The following NIPSNAP3A variants were observed in gnomAD, a reference collection of about 807,000 sequenced individuals.
The protein encoded by NIPSNAP3A is nipsnap homolog 3A.
A neutral mutation model predicts 32.3 loss-of-function variants in NIPSNAP3A; 27 were observed. The ratio of observed to expected loss-of-function variants is 0.84; its 90% confidence interval spans 0.62 to 1.15. The LOEUF (loss-of-function observed/expected upper bound fraction) is 1.15, where lower values mean the gene tolerates loss of function less well. NIPSNAP3A is among the 50% of genes most tolerant of loss of function. The pLI is 0.00. For synonymous variants in NIPSNAP3A, 108 were observed against 107.3 expected (o/e 1.01, Z -0.04); for missense variants, 278 against 297.2 (o/e 0.94, Z 0.48).
intron 1 of NIPSNAP3A, 99 bp downstream of exon 1, chr9:104,747,951 C>A: frequency 8.3e-7 from 1 of 1,201,916 alleles, no homozygotes; most frequent in Non-Finnish European, 1.2e-6. Context: ...ATGCGCTCTC[C>A]GCCACGCGCG....
chr9:104,748,411 GACCCTGCCCGCC>G (rs1395521033), intron 1 of NIPSNAP3A, among the ~76,000 whole-genome samples: 8 of 152,062 alleles, frequency 5.3e-5, no homozygotes, highest in African/African-American at 1.9e-4. Context: ...GGTGGGGCTG[GACCCTGCCCGCC>G]ACCCGCGCTT....
chr9:104,749,736 G>A (rs1397482807), intron 1 of NIPSNAP3A, among the ~76,000 whole-genome samples: 1 of 152,150 alleles, frequency 6.6e-6, no homozygotes, highest in Non-Finnish European at 1.5e-5. Flanking sequence ...AATCTTAGGC[G>A]AGGTATTTCT....
At chr9:104,754,873 T>G (rs1039991896) in intron 4 of NIPSNAP3A, among the ~76,000 whole-genome samples, 173 bp downstream of exon 4, 1 of 152,246 alleles carries the variant, frequency 6.6e-6, no homozygotes, top group African/African-American at 2.4e-5. Flanking sequence ...TTATTTAGAA[T>G]GTTAACTTAT....
Position 104,748,851 on chromosome 9 carries a change from G to A in NIPSNAP3A, c.60+999G>A, listed in dbSNP as rs192245014. Among the ~76,000 whole-genome samples, 29 of 152,284 alleles carry A rather than the reference G, an allele frequency of 1.9e-4. No homozygotes were observed. In the East Asian group the frequency reaches 4.4e-3, roughly 23 times the overall value. The stretch of plus-strand genomic sequence containing the variant: ...GTTGTTCTCTTTTAAGTGAAGTGGA[G>A]GTCGTTGCTGGTGGGAATGATCCCT... On this transcript the variant is annotated intron_variant, in intron 1 of 5. Transcript: ENST00000374767.
intron 4 of NIPSNAP3A, among the ~76,000 whole-genome samples, chr9:104,756,552 A>G (rs1272790683): frequency 6.6e-6 from 1 of 152,122 alleles, no homozygotes; most frequent in Admixed American, 6.5e-5. Context: ...GTATACTTAC[A>G]TGGATATAGT....
chr9:104,754,951 G>T (rs11788520), intron 4 of NIPSNAP3A, among the ~76,000 whole-genome samples: 1 of 151,932 alleles, frequency 6.6e-6, no homozygotes, highest in African/African-American at 2.4e-5. Context: ...TTAAACTGAA[G>T]GAACCTCGGC....
intron 1 of NIPSNAP3A, 147 bp downstream of exon 1, chr9:104,747,999 C>T (rs1206024148): frequency 7.0e-6 from 5 of 714,920 alleles, no homozygotes; most frequent in Admixed American, 6.7e-5. Context: ...TAGCGTGAGC[C>T]CCGGAACCCC....
Position 104,751,667 on chromosome 9 carries a change from G to C in NIPSNAP3A, c.271+501G>C, listed in dbSNP as rs1445720025. Among the ~76,000 whole-genome samples the C allele has an allele frequency of 2.0e-5, 3 of 152,200 alleles. No homozygotes were observed. In the East Asian group the frequency reaches 5.8e-4, roughly 29 times the overall value. On this transcript the variant is annotated intron_variant, in intron 2 of 5. Coordinates refer to ENST00000374767, the MANE Select transcript of NIPSNAP3A (RefSeq NM_015469.3). ...AATATGGAGGTTTATAGGGGATGAT[G>C]GTTAACTTTCAATCCTCACTGAACT...
chr9:104,759,002 G>T, intron 4 of NIPSNAP3A, 83 bp from the exon 5 acceptor site: 12 of 1,046,512 alleles, frequency 1.1e-5, no homozygotes, highest in Non-Finnish European at 1.4e-5. Context: ...AAAAAGAATA[G>T]GATGGGTTTG....
At position 104,747,686 on chromosome 9, in the gene NIPSNAP3A, C is replaced by G; in HGVS notation, c.-107C>G. ...TGACCCCGCCGAGCCCCGCCCCAGC[C>G]TGCGTCTGCCAATGATCCAGGAGCC... On this transcript the variant is annotated 5_prime_UTR_variant, in exon 1 of 6. Coordinates refer to ENST00000374767, the MANE Select transcript of NIPSNAP3A (RefSeq NM_015469.3). The G allele has an allele frequency of 1.7e-6, 2 of 1,197,624 alleles. No homozygotes were observed. The allele number at this position is 1,197,624 out of a possible 1,614,324, so 74.2% of individuals were successfully genotyped here.
At chr9:104,752,572 C>T (rs1424179497) in intron 2 of NIPSNAP3A, among the ~76,000 whole-genome samples, 3 of 152,164 alleles carry the variant, frequency 2.0e-5, no homozygotes, top group African/African-American at 7.2e-5. Flanking sequence ...CCTCATACAA[C>T]CCTGGAGGTA....
intron 2 of NIPSNAP3A, among the ~76,000 whole-genome samples, chr9:104,751,826 G>A (rs185991716): frequency 6.6e-6 from 1 of 152,266 alleles, no homozygotes; most frequent in East Asian, 1.9e-4. Flanking sequence ...TTCTTCCCGT[G>A]TTGAAACTAA....
In NIPSNAP3A at chr9:104,747,819, T is replaced by TCGGGCGCTGGCCTCA; in HGVS notation, c.31_45dup (p.Ala11_Arg15dup). The TCGGGCGCTGGCCTCA allele has an allele frequency of 6.2e-7, 1 of 1,609,056 alleles. No homozygotes were observed. Among genetic ancestry groups the TCGGGCGCTGGCCTCA allele is most frequent in the South Asian group, 1.1e-5 (1 of 90,652 alleles). On this transcript the variant is annotated inframe_insertion, in exon 1 of 6. Coordinates refer to ENST00000374767, the MANE Select transcript of NIPSNAP3A (RefSeq NM_015469.3). ...TGCTCGTCCTCAGAAGCGCCCTGAC[T>TCGGGCGCTGGCCTCA]CGGGCGCTGGCCTCACGGACGCTGG...
At chr9:104,757,769 A>C (rs1028218862) in intron 4 of NIPSNAP3A, among the ~76,000 whole-genome samples, 7 of 152,170 alleles carry the variant, frequency 4.6e-5, no homozygotes, top group African/African-American at 1.7e-4. Context: ...ATAAAAATAC[A>C]GGCCAGGCGT....
chr9:104,758,735 G>A (rs1407366320), intron 4 of NIPSNAP3A, among the ~76,000 whole-genome samples: 13 of 151,342 alleles, frequency 8.6e-5, no homozygotes, highest in Non-Finnish European at 1.6e-4. Flanking sequence ...TAAGGTGGGC[G>A]GATCACCTGA....
chr9:104,751,112 T>C lies in NIPSNAP3A; in HGVS notation c.217T>C (p.Trp73Arg). The change falls in exon 2 of 6, where the codon TGG (tryptophan) becomes CGG (arginine). Residue 73 changes from tryptophan to arginine, a missense_variant. Transcript: ENST00000374767. ...AGCTCACTCTGAATTGGTTGGATAC[T>C]GGAGTGTAGAATTTGGAGGCAGAAT... The part of the protein sequence containing the change: ...RTAHSELVGY[W>R]SVEFGGRMNT... 6.2e-7 allele frequency: 1 copy of C among 1,614,092 alleles called. No individual in the cohort carries two copies. Among genetic ancestry groups the C allele is most frequent in the Non-Finnish European group, 8.5e-7 (1 of 1,179,944 alleles).
intron 2 of NIPSNAP3A, among the ~76,000 whole-genome samples, chr9:104,751,430 G>A (rs1485995096): frequency 2.6e-5 from 4 of 152,116 alleles, no homozygotes; most frequent in Admixed American, 2.0e-4. Context: ...TATATCAAGC[G>A]ATAAAATTGT....
At chr9:104,751,535 G>A (rs1827849002) in intron 2 of NIPSNAP3A, among the ~76,000 whole-genome samples, 1 of 152,182 alleles carries the variant, frequency 6.6e-6, no homozygotes, top group Admixed American at 6.5e-5. Flanking sequence ...AGTCCAAGTG[G>A]ATTAAGATCA....
In NIPSNAP3A at chr9:104,747,929, C is replaced by CGAGCAAT. The variant is rs1564049997; in HGVS notation, c.60+79_60+85dup. On this transcript the variant is annotated intron_variant, in intron 1 of 5. Coordinates refer to ENST00000374767, the MANE Select transcript of NIPSNAP3A (RefSeq NM_015469.3). ...GGGCGGGGAGTGTTCCGGGTACGTG[C>CGAGCAAT]GAGCAATGCGCATGCGCTCTCCGCC... The CGAGCAAT allele has an allele frequency of 3.7e-6, 5 of 1,366,464 alleles. No homozygotes were observed. In the African/African-American group the frequency reaches 7.2e-5, roughly 20 times the overall value. 84.6% of individuals were successfully genotyped at this position (1,366,464 alleles called of 1,614,324 possible).
Sources: allele counts gnomAD v4.1 joint callset (sites outside exome capture counted in the v4.1 genomes callset), GRCh38; gene constraint gnomAD v4.1.1; transcripts MANE v1.5; gene names NCBI Gene and HGNC (gene_info 2026-07-23, HGNC 2026-07-21).